The following SH3GL2 variants were observed in gnomAD, a reference collection of about 807,000 sequenced individuals.
SH3GL2 encodes endophilin-A1.
A neutral mutation model predicts 46.0 loss-of-function variants in SH3GL2; 24 were observed. That is an observed-to-expected ratio of 0.52 (90% CI 0.38 to 0.73). The LOEUF (loss-of-function observed/expected upper bound fraction) is 0.73. Among genes scored for constraint, SH3GL2 ranks in the 30% least tolerant of loss-of-function variants. The pLI, the probability that SH3GL2 is intolerant of heterozygous loss-of-function variation, is 0.00. For synonymous variants in SH3GL2, 196 were observed against 147.1 expected, an observed-to-expected ratio of 1.33 and a Z score of -2.40; for missense variants, 413 against 424.2, an observed-to-expected ratio of 0.97 and a Z score of 0.23.
chr9:17,701,342 A>G (rs1821338906), intron 1 of SH3GL2, among the ~76,000 whole-genome samples: 2 of 152,156 alleles, frequency 1.3e-5, no homozygotes, highest in African/African-American at 4.8e-5. Flanking sequence ...GGAGCCTAAA[A>G]TGAAGAGGGA....
At chr9:17,616,055 T>C (rs2134590643) in intron 1 of SH3GL2, among the ~76,000 whole-genome samples, 1 of 152,326 alleles carries the variant, frequency 6.6e-6, no homozygotes, top group South Asian at 2.1e-4. Context: ...GTTACCTTTA[T>C]TAATGATGCC....
chr9:17,681,653 C>A (rs959215412), intron 1 of SH3GL2, among the ~76,000 whole-genome samples: 28 of 152,118 alleles, frequency 1.8e-4, no homozygotes, highest in African/African-American at 6.8e-4. Context: ...GAAAAGACTT[C>A]ATGACAAAAA....
chr9:17,737,894 G>A (rs1243369692), intron 1 of SH3GL2, among the ~76,000 whole-genome samples: 2 of 151,978 alleles, frequency 1.3e-5, no homozygotes, highest in African/African-American at 2.4e-5. Flanking sequence ...GTGTAATAAA[G>A]CTTCTTCCCT....
chr9:17,712,925 A>G lies in SH3GL2; in HGVS notation c.46-34141A>G, dbSNP rs376733340. Among the ~76,000 whole-genome samples the G allele has an allele frequency of 3.6e-4, 54 of 149,668 alleles. 1 individual carries two copies. The East Asian group carries it at 0.01, about 28-fold the overall frequency. ...ATGTCCAATAGAAATAGTAAGCGTG[A>G]ACATCCTTGTGAACATTCTTGCCGT... On this transcript the variant is annotated intron_variant, in intron 1 of 8. Coordinates refer to ENST00000380607, the MANE Select transcript of SH3GL2 (RefSeq NM_003026.5).
intron 1 of SH3GL2, among the ~76,000 whole-genome samples, chr9:17,591,538 CAGT>C (rs1818481484): frequency 1.3e-5 from 2 of 152,142 alleles, no homozygotes; most frequent in Middle Eastern, 3.4e-3. Flanking sequence ...AGTCTTTAAT[CAGT>C]AGTAGAAGGG....
At chr9:17,781,631 C>G (rs186175174) in intron 3 of SH3GL2, among the ~76,000 whole-genome samples, 1 of 152,128 alleles carries the variant, frequency 6.6e-6, no homozygotes, top group Non-Finnish European at 1.5e-5. Flanking sequence ...GTAAACACTA[C>G]CAAATTGTTG....
At chr9:17,683,400 G>A (rs987027485) in intron 1 of SH3GL2, among the ~76,000 whole-genome samples, 2 of 152,078 alleles carry the variant, frequency 1.3e-5, no homozygotes, top group Non-Finnish European at 2.9e-5. Context: ...TGGAACAAAA[G>A]CCTTAAGCTC....
At position 17,579,283 on chromosome 9, in the gene SH3GL2, C is replaced by G; in HGVS notation, c.41C>G (p.Thr14Ser). 6.4e-7 allele frequency: 1 copy of G among 1,564,270 alleles called. No homozygotes were observed. The highest frequency in any genetic ancestry group is 8.6e-7 in the Non-Finnish European group (1 of 1,156,262). ...AGLKKQFHKATQKVSEKVGGA... is the reference protein window; with the variant it reads ...AGLKKQFHKASQKVSEKVGGA... ...CTCAAGAAGCAGTTCCATAAAGCCA[C>G]TCAGGTAAGGCGCGCGGCAGGTGCG... Residue 14 changes from threonine (T) to serine (S), a missense_variant, in exon 1 of 9, where the codon ACT becomes AGT. This residue lies in a region of SH3GL2 where 160 missense variants were observed against 192.3 expected (regional missense o/e 0.83). Coordinates refer to ENST00000380607, the MANE Select transcript of SH3GL2 (RefSeq NM_003026.5).
chr9:17,617,394 C>T (rs1056838929), intron 1 of SH3GL2, among the ~76,000 whole-genome samples: 1 of 152,200 alleles, frequency 6.6e-6, no homozygotes, highest in Non-Finnish European at 1.5e-5. Flanking sequence ...GAACCCTCCT[C>T]AGGGAAATAG....
chr9:17,674,068 C>G (rs10963196), intron 1 of SH3GL2, among the ~76,000 whole-genome samples: 56,481 of 151,590 alleles, frequency 0.37, 11,355 homozygotes, highest in Admixed American at 0.54. Context: ...TGAGCACTTC[C>G]TTATGGAGGC....
At position 17,711,353 on chromosome 9, in the gene SH3GL2, A is replaced by C. The variant is rs550712481; in HGVS notation, c.46-35713A>C. On this transcript the variant is annotated intron_variant, in intron 1 of 8. Transcript: ENST00000380607. ...TACAGTAACTGTACTTATTTAAAGC[A>C]TATAGCATGATAAGTTTTGACATAT... Among the ~76,000 whole-genome samples the C allele has an allele frequency of 3.3e-5, 5 of 152,026 alleles. No individual in the cohort carries two copies. In the South Asian group the frequency reaches 1.0e-3, roughly 32 times the overall value.
At chr9:17,694,095 C>G (rs1005320732) in intron 1 of SH3GL2, among the ~76,000 whole-genome samples, 8 of 152,040 alleles carry the variant, frequency 5.3e-5, no homozygotes, top group Middle Eastern at 3.2e-3. Flanking sequence ...AAGAAAAAAT[C>G]CTGGTAAGGA....
chr9:17,727,750 C>T (rs1372174937), intron 1 of SH3GL2, among the ~76,000 whole-genome samples: 1 of 152,130 alleles, frequency 6.6e-6, no homozygotes, highest in Non-Finnish European at 1.5e-5. Flanking sequence ...CTCACAGGGA[C>T]CCAGCAGAAT....
chr9:17,770,571 A>G (rs1221711825), intron 3 of SH3GL2, among the ~76,000 whole-genome samples: 5 of 152,306 alleles, frequency 3.3e-5, no homozygotes, highest in South Asian at 2.1e-4. Context: ...AATGGAATCA[A>G]CTACTCACCA....
intron 1 of SH3GL2, among the ~76,000 whole-genome samples, chr9:17,706,372 T>C (rs1273454189): frequency 6.6e-6 from 1 of 152,110 alleles, no homozygotes; most frequent in Non-Finnish European, 1.5e-5. Flanking sequence ...TAATTTAAGC[T>C]GTTTTTCTCC....
At chr9:17,793,589 C>A in intron 8 of SH3GL2, 92 bp downstream of exon 8, 1 of 1,256,984 alleles carries the variant, frequency 8.0e-7, no homozygotes, top group South Asian at 1.3e-5. Context: ...AATCTGGCTG[C>A]ATAGGAAATA....
chr9:17,687,575 A>G (rs1272098244), intron 1 of SH3GL2, among the ~76,000 whole-genome samples: 5 of 152,134 alleles, frequency 3.3e-5, no homozygotes, highest in South Asian at 2.1e-4. Flanking sequence ...TCTTCATAGT[A>G]TAGTCCTGAA....
intron 1 of SH3GL2, among the ~76,000 whole-genome samples, chr9:17,612,164 CCTCT>C (rs1818881591): frequency 6.6e-6 from 1 of 152,056 alleles, no homozygotes; most frequent in Non-Finnish European, 1.5e-5. Context: ...GCCTGTCTGT[CCTCT>C]CTCTCTAGTT....
At chr9:17,656,001 A>G (rs1409789631) in intron 1 of SH3GL2, among the ~76,000 whole-genome samples, 1 of 152,148 alleles carries the variant, frequency 6.6e-6, no homozygotes, top group Admixed American at 6.5e-5. Flanking sequence ...CATCTCTTAA[A>G]TTCTCTATTT....
Sources: gnomAD v4.1 joint callset for allele counts (sites outside exome capture counted in the v4.1 genomes callset) on GRCh38, gnomAD v4.1.1 for gene constraint, gnomAD v4.1.1 regional missense constraint, MANE v1.5 for transcripts, NCBI Gene and HGNC (gene_info 2026-07-23, HGNC 2026-07-21) for gene names.